Variants in ARFIP1 observed in about 807,000 individuals in gnomAD.
ARFIP1 encodes arfaptin-1.
Under a neutral mutation model 42.5 loss-of-function variants are expected in ARFIP1, and 24 were observed. That is an observed-to-expected ratio of 0.57 (90% confidence interval 0.41 to 0.80). The LOEUF (loss-of-function observed/expected upper bound fraction) is 0.80. ARFIP1 is among the 30% of genes least tolerant of loss of function. The pLI is 0.00. For synonymous variants in ARFIP1, 141 were observed against 153.7 expected (o/e 0.92, Z 0.61); for missense variants, 354 against 434.0 (o/e 0.82, Z 1.64).
At chr4:152,842,196 A>G (rs970464737) in intron 2 of ARFIP1, among the ~76,000 whole-genome samples, 5 of 152,152 alleles carry the variant, frequency 3.3e-5, no homozygotes, top group South Asian at 2.1e-4. Context: ...CCAATCATCT[A>G]TCGCCTGAGA....
intron 1 of ARFIP1, among the ~76,000 whole-genome samples, chr4:152,822,513 A>G (rs1198406928): frequency 6.6e-6 from 1 of 152,186 alleles, no homozygotes; most frequent in Non-Finnish European, 1.5e-5. Context: ...TCATTGAGGC[A>G]GAAAGTCAAC....
intron 8 of ARFIP1, among the ~76,000 whole-genome samples, chr4:152,903,976 A>G (rs1738067527): frequency 6.6e-6 from 1 of 152,120 alleles, no homozygotes; most frequent in African/African-American, 2.4e-5. Context: ...AGGCCAGTAC[A>G]TGAATTAAAT....
chr4:152,893,852 T>A (rs1410039290), intron 8 of ARFIP1, among the ~76,000 whole-genome samples: 1 of 152,144 alleles, frequency 6.6e-6, no homozygotes, highest in African/African-American at 2.4e-5. Context: ...TAATCTTAGA[T>A]TGATATGAAA....
At chr4:152,823,257 C>G (rs1057290201) in intron 1 of ARFIP1, among the ~76,000 whole-genome samples, 3 of 152,160 alleles carry the variant, frequency 2.0e-5, no homozygotes, top group Non-Finnish European at 4.4e-5. Flanking sequence ...TTCGAGACTA[C>G]TGTGGACACC....
chr4:152,811,767 A>G (rs1423014648), intron 1 of ARFIP1, among the ~76,000 whole-genome samples: 1 of 152,224 alleles, frequency 6.6e-6, no homozygotes, highest in Non-Finnish European at 1.5e-5. Context: ...TTTAAATTCA[A>G]TTTCAATTTA....
chr4:152,912,276 T>C lies in ARFIP1; in HGVS notation c.*2057T>C, dbSNP rs977591527. 6.6e-6 allele frequency: 1 copy of C among 152,188 alleles called. No individual in the cohort carries two copies. The highest frequency in any genetic ancestry group is 1.5e-5 in the Non-Finnish European group (1 of 68,004). 9.4% of individuals were successfully genotyped at this position (152,188 alleles called of 1,614,324 possible). On this transcript the variant is annotated 3_prime_UTR_variant, in exon 9 of 9. Coordinates refer to ENST00000353617, the MANE Select transcript of ARFIP1 (RefSeq NM_001025595.3). ...TTAGGAATGTAATTTATGTTCATTA[T>C]AGAAAAGAATTAGAAGAAAATTTCA...
intron 1 of ARFIP1, among the ~76,000 whole-genome samples, chr4:152,789,252 G>A (rs1047798859): frequency 1.3e-5 from 2 of 151,380 alleles, no homozygotes; most frequent in Non-Finnish European, 2.9e-5. Context: ...CACCATGCCC[G>A]GCTAATTTTT....
intron 1 of ARFIP1, among the ~76,000 whole-genome samples, chr4:152,803,498 C>T (rs967347847): frequency 6.6e-6 from 1 of 152,154 alleles, no homozygotes; most frequent in Non-Finnish European, 1.5e-5. Context: ...ACACCATTCC[C>T]AGCTATAACA....
At chr4:152,823,920 C>T (rs1450908565) in intron 1 of ARFIP1, among the ~76,000 whole-genome samples, 1 of 150,570 alleles carries the variant, frequency 6.6e-6, no homozygotes, top group Non-Finnish European at 1.5e-5. Context: ...AAGGACATAA[C>T]AAAAAAGAAA....
chr4:152,907,304 C>G (rs562812042), intron 8 of ARFIP1, among the ~76,000 whole-genome samples: 7 of 152,196 alleles, frequency 4.6e-5, no homozygotes, highest in Admixed American at 2.0e-4. Flanking sequence ...AAGTCTTCAA[C>G]AAAGTTGATG....
intron 2 of ARFIP1, among the ~76,000 whole-genome samples, chr4:152,833,011 A>G (rs1353886631): frequency 6.6e-6 from 1 of 152,172 alleles, no homozygotes; most frequent in Non-Finnish European, 1.5e-5. Context: ...TATGATGTCA[A>G]AAGCACAGGC....
chr4:152,875,110 G>T (rs543050957), intron 5 of ARFIP1, among the ~76,000 whole-genome samples: 4 of 152,010 alleles, frequency 2.6e-5, no homozygotes, highest in African/African-American at 9.7e-5. Context: ...TCATTTATTG[G>T]TTGTTAATTT....
chr4:152,814,256 A>G (rs936625723), intron 1 of ARFIP1, among the ~76,000 whole-genome samples: 9 of 151,868 alleles, frequency 5.9e-5, no homozygotes, highest in Non-Finnish European at 1.2e-4. Context: ...ATGCCTAGCT[A>G]ATGTTTTTTG....
chr4:152,821,335 G>A (rs1042333115), intron 1 of ARFIP1, among the ~76,000 whole-genome samples: 3 of 152,104 alleles, frequency 2.0e-5, no homozygotes, highest in Non-Finnish European at 4.4e-5. Context: ...CATATTTAGG[G>A]AACTACAACA....
At chr4:152,849,143 A>G (rs986760161) in intron 2 of ARFIP1, among the ~76,000 whole-genome samples, 4 of 152,214 alleles carry the variant, frequency 2.6e-5, no homozygotes, top group Non-Finnish European at 5.9e-5. Context: ...TAATATACAC[A>G]TACATTAAAT....
At chr4:152,850,097 A>G (rs1732862493) in intron 2 of ARFIP1, among the ~76,000 whole-genome samples, 1 of 152,234 alleles carries the variant, frequency 6.6e-6, no homozygotes, top group South Asian at 2.1e-4. Context: ...ACATACCTTT[A>G]CATATCATTA....
At chr4:152,843,896 A>C (rs574477219) in intron 2 of ARFIP1, among the ~76,000 whole-genome samples, 1 of 152,278 alleles carries the variant, frequency 6.6e-6, no homozygotes, top group South Asian at 2.1e-4. Flanking sequence ...TGGAGTCTGC[A>C]CACGGGATTT....
At chr4:152,862,013 A>C (rs1402847850) in intron 2 of ARFIP1, among the ~76,000 whole-genome samples, 3 of 152,156 alleles carry the variant, frequency 2.0e-5, no homozygotes, top group African/African-American at 7.2e-5. Flanking sequence ...TACCAAATTA[A>C]TATTCTTTAA....
chr4:152,822,014 C>A (rs538358649), intron 1 of ARFIP1, among the ~76,000 whole-genome samples: 2 of 152,068 alleles, frequency 1.3e-5, no homozygotes, highest in African/African-American at 2.4e-5. Context: ...ATAGAAATTT[C>A]TGAAGGCATA....
Sources: allele counts gnomAD v4.1 joint callset (sites outside exome capture counted in the v4.1 genomes callset), GRCh38; gene constraint gnomAD v4.1.1; transcripts MANE v1.5; gene names NCBI Gene and HGNC (gene_info 2026-07-23, HGNC 2026-07-21).